TRAPPC9: variants seen among roughly 807,000 people sequenced by gnomAD.
The protein encoded by TRAPPC9 is IKK2 binding protein.
In TRAPPC9, 83 loss-of-function variants were observed where a neutral mutation model predicts 124.0. The ratio of observed to expected loss-of-function variants is 0.67; its 90% CI spans 0.56 to 0.80. TRAPPC9 has a LOEUF of 0.80. Ranked by LOEUF, TRAPPC9 falls within the 30% of genes least tolerant of loss-of-function variation. The pLI is 0.00. For missense variants in TRAPPC9, 1,302 were observed against 1,508.3 expected, an observed-to-expected ratio of 0.86 and a Z score of 2.27; for synonymous variants, 638 against 617.5, an observed-to-expected ratio of 1.03 and a Z score of -0.49.
chr8:139,889,950 G>A (rs558374949), intron 20 of TRAPPC9, among the ~76,000 whole-genome samples: 31 of 152,342 alleles, frequency 2.0e-4, no homozygotes, highest in Non-Finnish European at 2.9e-4. Context: ...GCATCTCCAT[G>A]AGGGGTGCTC....
intron 21 of TRAPPC9, among the ~76,000 whole-genome samples, chr8:139,862,415 G>A (rs1326933461): frequency 6.6e-6 from 1 of 152,272 alleles, no homozygotes; most frequent in African/African-American, 2.4e-5. Context: ...GCCATCCAGT[G>A]ACGGAGCACC....
chr8:140,370,998 G>A lies in TRAPPC9; in HGVS notation c.1317C>T (p.Tyr439=), dbSNP rs1588232929. 2.5e-6 allele frequency: 4 copies of A among 1,614,278 alleles called. No individual in the cohort carries two copies. The highest frequency in any genetic ancestry group is 1.7e-4 in the Middle Eastern group (1 of 6,058). The change falls in exon 8 of 23, where the codon TAC becomes TAT. Residue 439 remains tyrosine (Y), a synonymous_variant. Coordinates refer to ENST00000438773, the MANE Select transcript of TRAPPC9 (RefSeq NM_001160372.4). ...YKLLLETLPG[Y]SLSLDPKDFS... is the part of the protein sequence containing the mutation. ...AATCTTTGGGATCCAGCGACAGACT[G>A]TAGCCGGGCAGCGTTTCCAGGAGGA...
intron 21 of TRAPPC9, among the ~76,000 whole-genome samples, chr8:139,784,608 C>CACAT (rs1554643614): frequency 5.6e-5 from 5 of 88,656 alleles, no homozygotes; most frequent in East Asian, 3.4e-4. Flanking sequence ...AAAAGACTGA[C>CACAT]ATATATATAT....
rs1466347606 is a variant in TRAPPC9, at chr8:139,970,727, C to T, written c.2810+17999G>A. Among the ~76,000 whole-genome samples the T allele has an allele frequency of 3.3e-5, 5 of 152,184 alleles. 1 individual carries two copies. The highest frequency in any genetic ancestry group is 5.9e-5 in the Non-Finnish European group (4 of 68,034). ...AGCTTGCTGGACTGGACCTAAGTGT[C>T]AAGGGCCAAATTCAGGGAGCAGGGC... On this transcript the variant is annotated intron_variant, in intron 19 of 22. Transcript: ENST00000438773.
At chr8:140,172,336 G>C (rs905088893) in intron 17 of TRAPPC9, among the ~76,000 whole-genome samples, 2 of 151,926 alleles carry the variant, frequency 1.3e-5, no homozygotes, top group South Asian at 2.1e-4. Context: ...CTGGACAACA[G>C]AGGAGGTTTA....
rs140952622 is a variant in TRAPPC9, at chr8:140,184,357, TG to T, written c.2556+37101del. 6.3e-3 allele frequency among the ~76,000 whole-genome samples: 956 copies of T among 152,356 alleles called. 11 individuals are homozygous for T. The highest frequency in any genetic ancestry group is 0.022 in the African/African-American group (901 of 41,578). ...CAAAAGTTGACACTGTTTGTCTATT[TG>T]GTAGAAGTAATGCTCATTTTTTAAA... is the stretch of plus-strand genomic sequence containing the variant. On this transcript the variant is annotated intron_variant, in intron 17 of 22. Coordinates refer to ENST00000438773, the MANE Select transcript of TRAPPC9 (RefSeq NM_001160372.4).
chr8:140,453,811 C>A (rs1377377357), intron 1 of TRAPPC9, among the ~76,000 whole-genome samples: 1 of 152,178 alleles, frequency 6.6e-6, no homozygotes, highest in Non-Finnish European at 1.5e-5. Flanking sequence ...AATCACATCA[C>A]CTTCCAACAA....
In TRAPPC9 at chr8:140,257,261, AC is replaced by A. The variant is rs1368000353; in HGVS notation, c.2279-4333del. Among the ~76,000 whole-genome samples the A allele has an allele frequency of 6.6e-6, 1 of 152,294 alleles. No individual in the cohort carries two copies. The highest frequency in any genetic ancestry group is 1.9e-4 in the East Asian group (1 of 5,176). On this transcript the variant is annotated intron_variant, in intron 15 of 22. Coordinates refer to ENST00000438773, the MANE Select transcript of TRAPPC9 (RefSeq NM_001160372.4). The surrounding 1 kb of genome is among the most constrained non-coding windows in gnomAD (Gnocchi z 4.6). ...AGGATGTCCCAGAGTCAAGAGGTGA[AC>A]CCTGGCCCTCACACCCATTCACCGT...
At chr8:139,870,500 C>G (rs763106183) in intron 21 of TRAPPC9, among the ~76,000 whole-genome samples, 26 of 152,204 alleles carry the variant, frequency 1.7e-4, no homozygotes, top group Non-Finnish European at 3.2e-4. Context: ...CTTATAACAG[C>G]AAAACATTAG....
chr8:140,239,265 C>T (rs1466483856), intron 16 of TRAPPC9, among the ~76,000 whole-genome samples: 1 of 152,140 alleles, frequency 6.6e-6, no homozygotes, highest in Non-Finnish European at 1.5e-5. Flanking sequence ...GGTGGAGGGG[C>T]GCTGAGCTGC....
intron 21 of TRAPPC9, among the ~76,000 whole-genome samples, chr8:139,814,355 C>T (rs557966673): frequency 1.9e-3 from 295 of 152,324 alleles, no homozygotes; most frequent in African/African-American, 6.2e-3. Flanking sequence ...GCTCAGAACC[C>T]CTCAAGCTGT....
At chr8:139,791,324 CAG>C (rs1226406228) in intron 21 of TRAPPC9, among the ~76,000 whole-genome samples, 2 of 124,690 alleles carry the variant, frequency 1.6e-5, no homozygotes, top group Non-Finnish European at 4.0e-5. Context: ...CTCCCCTGCA[CAG>C]ACACACACAC....
intron 19 of TRAPPC9, among the ~76,000 whole-genome samples, chr8:139,977,853 G>T (rs921292023): frequency 9.9e-5 from 15 of 151,258 alleles, no homozygotes; most frequent in Non-Finnish European, 2.1e-4. Flanking sequence ...GCTAATTTTT[G>T]TATCTTTAGT....
chr8:140,354,818 G>C (rs1360613200), intron 9 of TRAPPC9, among the ~76,000 whole-genome samples: 3 of 152,166 alleles, frequency 2.0e-5, no homozygotes, highest in Non-Finnish European at 4.4e-5. Context: ...GCACAACCCA[G>C]CTGTCCAAAT....
At chr8:139,852,136 C>T (rs1471552649) in intron 21 of TRAPPC9, among the ~76,000 whole-genome samples, 1 of 152,196 alleles carries the variant, frequency 6.6e-6, no homozygotes, top group Admixed American at 6.5e-5. Flanking sequence ...TACATAAGCT[C>T]TTTCTTTGCC....
intron 16 of TRAPPC9, among the ~76,000 whole-genome samples, chr8:140,243,964 C>T (rs989873310): frequency 7.2e-5 from 11 of 152,214 alleles, no homozygotes; most frequent in South Asian, 2.1e-4. Flanking sequence ...AGCTCAGCAG[C>T]GGCCTCAGGT....
chr8:139,877,654 T>C (rs1417621399), intron 21 of TRAPPC9, among the ~76,000 whole-genome samples: 3 of 152,166 alleles, frequency 2.0e-5, no homozygotes, highest in Admixed American at 2.0e-4. Flanking sequence ...CCACTGCCCG[T>C]AGTCTGGCAT....
rs1478365974 is a variant in TRAPPC9 at position 139,730,149 on chromosome 8, C to A, written c.*912G>T. The stretch of plus-strand genomic sequence containing the variant: ...ACTGGTGATCTCCCTCCCCTGCAGG[C>A]CTCCTTCCACCTCCCAGACAAGCTG... On this transcript the variant is annotated 3_prime_UTR_variant, in exon 23 of 23. Coordinates refer to ENST00000438773, the MANE Select transcript of TRAPPC9 (RefSeq NM_001160372.4). Among the ~76,000 whole-genome samples the A allele has an allele frequency of 4.6e-5, 7 of 152,204 alleles. No homozygotes were observed. The highest frequency in any genetic ancestry group is 1.7e-4 in the African/African-American group (7 of 41,454).
At chr8:139,737,039 C>G (rs895298148) in intron 21 of TRAPPC9, among the ~76,000 whole-genome samples, 3 of 152,218 alleles carry the variant, frequency 2.0e-5, no homozygotes, top group Non-Finnish European at 2.9e-5. Context: ...CAAAGACAAG[C>G]TGCTTTGGAG....
Sources: gnomAD v4.1 joint callset for allele counts (sites outside exome capture counted in the v4.1 genomes callset) on GRCh38, gnomAD v4.1.1 for gene constraint, Gnocchi (gnomAD v3.1) non-coding constraint, MANE v1.5 for transcripts, NCBI Gene and HGNC (gene_info 2026-07-23, HGNC 2026-07-21) for gene names.